Variants in CHST9 observed in about 807,000 individuals in gnomAD.
The protein encoded by CHST9 is GalNAc-4-sulfotransferase 2.
A neutral mutation model predicts 44.4 loss-of-function variants in CHST9; 41 were observed. The ratio of observed to expected loss-of-function variants is 0.92; its 90% confidence interval spans 0.72 to 1.20. The LOEUF (loss-of-function observed/expected upper bound fraction) is 1.20. CHST9 is among the 50% of genes most tolerant of loss of function. The pLI is 0.00. For synonymous variants in CHST9, 171 were observed against 178.4 expected, an observed-to-expected ratio of 0.96 and a Z score of 0.33; for missense variants, 504 against 516.5, an observed-to-expected ratio of 0.98 and a Z score of 0.23.
chr18:27,065,882 G>A (rs2057777131), intron 2 of CHST9, among the ~76,000 whole-genome samples: 1 of 152,160 alleles, frequency 6.6e-6, no homozygotes, highest in African/African-American at 2.4e-5. Context: ...GCCATGTGAG[G>A]GTGGCAAAAG....
intron 2 of CHST9, among the ~76,000 whole-genome samples, chr18:27,124,425 G>T (rs559704717): frequency 6.6e-6 from 1 of 152,324 alleles, no homozygotes; most frequent in East Asian, 1.9e-4. Flanking sequence ...AGTAAAATTT[G>T]AATACGTTTG....
chr18:27,068,845 C>G (rs1050229518), intron 2 of CHST9, among the ~76,000 whole-genome samples: 1 of 152,170 alleles, frequency 6.6e-6, no homozygotes, highest in African/African-American at 2.4e-5. Context: ...AGCCTGTGGC[C>G]TGGATTTCTC....
At chr18:26,922,728 T>C (rs2055682927) in intron 5 of CHST9, among the ~76,000 whole-genome samples, 1 of 152,094 alleles carries the variant, frequency 6.6e-6, no homozygotes. Flanking sequence ...CTCTGCCTCC[T>C]GGGTTCCAGC....
intron 1 of CHST9, among the ~76,000 whole-genome samples, chr18:27,179,401 T>C (rs1388008879): frequency 2.7e-5 from 2 of 73,852 alleles, no homozygotes; most frequent in Non-Finnish European, 6.0e-5. Flanking sequence ...TTAAAAGAAG[T>C]AAAGATAGAT....
In CHST9 at chr18:26,987,007, A is replaced by G. The variant is rs142997657; in HGVS notation, c.202+37109T>C. Among the ~76,000 whole-genome samples, 1,326 of 152,302 alleles carry G rather than the reference A, an allele frequency of 8.7e-3. 27 individuals are homozygous for G. The highest frequency in any genetic ancestry group is 0.031 in the African/African-American group (1,271 of 41,568). On this transcript the variant is annotated intron_variant, in intron 4 of 5. Transcript: ENST00000618847. ...ACAGGATTATTAGCCATGTGAGTAA[A>G]TGCTGTGGTTTGGATATGATTTGCT...
chr18:27,070,210 A>G (rs1490184145), intron 2 of CHST9, among the ~76,000 whole-genome samples: 1 of 152,110 alleles, frequency 6.6e-6, no homozygotes, highest in African/African-American at 2.4e-5. Flanking sequence ...TAGTAAATTT[A>G]TTTTTCAGAG....
At position 26,944,467 on chromosome 18, in the gene CHST9, C is replaced by G. The variant is rs568340443; in HGVS notation, c.203-101G>C. 22 of 801,134 alleles carry G rather than the reference C, an allele frequency of 2.7e-5. No individual in the cohort carries two copies. The East Asian group carries it at 5.5e-4, about 20-fold the overall frequency. 49.6% of individuals were successfully genotyped at this position (801,134 alleles called of 1,614,324 possible). A position where few individuals can be genotyped will look rare whatever the true frequency, so the allele number is the denominator to read the frequency against. ...TTACAGTAAACACTTCCAAAGTGGT[C>G]ATGGACTCTCTGAGCAAGGATTTCT... is the stretch of plus-strand genomic sequence containing the variant. On this transcript the variant is annotated intron_variant, in intron 4 of 5. Transcript: ENST00000618847.
intron 3 of CHST9, among the ~76,000 whole-genome samples, chr18:27,037,879 C>A (rs1039514957): frequency 1.3e-5 from 2 of 151,294 alleles, no homozygotes; most frequent in Admixed American, 1.3e-4. Flanking sequence ...AGGTCTTTGA[C>A]TACTGCCAAT....
Position 26,917,244 on chromosome 18 carries a change from C to T in CHST9, c.347G>A (p.Gly116Glu), listed in dbSNP as rs2055551605. 2 of 1,613,868 alleles carry T rather than the reference C, an allele frequency of 1.2e-6. No homozygotes were observed. Among genetic ancestry groups the T allele is most frequent in the Non-Finnish European group, 1.7e-6 (2 of 1,179,828 alleles). ...RLLTKTSHSQ[G>E]GDQALSKSTG... ...GGACTTACTTAAAGCTTGATCCCCT[C>T]CTTGTGAATGACTGGTCTTTGTTAA... The change falls in exon 6 of 6, where the codon GGA becomes GAA. Residue 116 changes from glycine to glutamate, a missense_variant. Physicochemically the swap from Gly to Glu is moderately conservative, Grantham distance 98 (BLOSUM62 -2). Coordinates refer to ENST00000618847, the MANE Select transcript of CHST9 (RefSeq NM_031422.6).
chr18:27,157,173 G>T (rs2058703905), intron 1 of CHST9, among the ~76,000 whole-genome samples: 1 of 152,032 alleles, frequency 6.6e-6, no homozygotes, highest in African/African-American at 2.4e-5. Context: ...ATGATTAGCA[G>T]TCAATACCTA....
intron 2 of CHST9, among the ~76,000 whole-genome samples, chr18:27,063,249 C>G (rs982986088): frequency 2.6e-5 from 4 of 152,178 alleles, no homozygotes; most frequent in Admixed American, 2.6e-4. Context: ...TTTCACAAAT[C>G]ACACTGTTTA....
At chr18:26,963,750 C>A (rs2056429800) in intron 4 of CHST9, among the ~76,000 whole-genome samples, 1 of 152,060 alleles carries the variant, frequency 6.6e-6, no homozygotes, top group Non-Finnish European at 1.5e-5. Context: ...TGACTTCAGG[C>A]AATTCAATTT....
At chr18:27,023,038 G>C (rs1337721014) in intron 4 of CHST9, among the ~76,000 whole-genome samples, 4 of 152,138 alleles carry the variant, frequency 2.6e-5, no homozygotes, top group Non-Finnish European at 4.4e-5. Flanking sequence ...ATACCCCTAG[G>C]AGGGCATGGT....
intron 2 of CHST9, among the ~76,000 whole-genome samples, chr18:27,109,291 T>C (rs186389908): frequency 1.3e-4 from 20 of 152,286 alleles, no homozygotes; most frequent in South Asian, 6.2e-4. Flanking sequence ...CCTTTTTTTT[T>C]TCTCCCTGCA....
chr18:27,149,440 T>A (rs2058642096), intron 1 of CHST9, among the ~76,000 whole-genome samples: 1 of 152,120 alleles, frequency 6.6e-6, no homozygotes, highest in African/African-American at 2.4e-5. Flanking sequence ...ATCCATTGTA[T>A]CACTGATGGG....
intron 1 of CHST9, among the ~76,000 whole-genome samples, chr18:27,144,645 G>C (rs888209156): frequency 1.3e-5 from 2 of 151,952 alleles, no homozygotes; most frequent in African/African-American, 2.4e-5. Context: ...GCCATGATCA[G>C]GCCACTGCGC....
chr18:27,147,143 C>T (rs928793946), intron 1 of CHST9, among the ~76,000 whole-genome samples: 1 of 152,134 alleles, frequency 6.6e-6, no homozygotes, highest in Non-Finnish European at 1.5e-5. Context: ...CAGCTCACCA[C>T]AACCTTCACC....
At position 27,165,744 on chromosome 18, in the gene CHST9, G is replaced by C. The variant is rs1400128747; in HGVS notation, c.-97+19392C>G. On this transcript the variant is annotated intron_variant, in intron 1 of 5. Transcript: ENST00000618847. ...TTTTAAAGGAGCTAATTTTTTATTA[G>C]TTACAAAAGGGGTTGATTAAATAAA... 2.0e-5 allele frequency among the ~76,000 whole-genome samples: 3 copies of C among 152,072 alleles called. No individual in the cohort carries two copies. The East Asian group carries it at 5.8e-4, about 29-fold the overall frequency.
intron 1 of CHST9, among the ~76,000 whole-genome samples, chr18:27,161,805 A>C (rs148450058): frequency 6.6e-6 from 1 of 152,204 alleles, no homozygotes; most frequent in South Asian, 2.1e-4. Flanking sequence ...TATTGTGTGC[A>C]TATATATTTA....
Sources: gnomAD v4.1 joint callset for allele counts (sites outside exome capture counted in the v4.1 genomes callset) on GRCh38, gnomAD v4.1.1 for gene constraint, MANE v1.5 for transcripts, NCBI Gene and HGNC (gene_info 2026-07-23, HGNC 2026-07-21) for gene names.